Variants in FAM81B observed in about 807,000 individuals in gnomAD.
FAM81B encodes family with sequence similarity 81 member B, also known as protein FAM81B.
FAM81B carries 60 observed loss-of-function variants against 58.7 expected under a neutral mutation model. The observed-to-expected ratio is 1.02, with a 90% confidence interval of 0.83 to 1.27. The LOEUF is 1.27. Among genes scored for constraint, FAM81B ranks in the 50% most tolerant of loss-of-function variants. The pLI is 0.00. For synonymous variants in FAM81B, 189 were observed against 179.6 expected (o/e 1.05, Z -0.42); for missense variants, 491 against 522.0 (o/e 0.94, Z 0.58).
At chr5:95,412,958 A>T (rs7704343) in intron 3 of FAM81B, among the ~76,000 whole-genome samples, 41,340 of 152,108 alleles carry the variant, frequency 0.27, 5,855 homozygotes, top group Non-Finnish European at 0.3. Flanking sequence ...GTCAAATCCC[A>T]AACTAAGAAT....
Position 95,426,092 on chromosome 5 carries a change from G to GTATATATA in FAM81B, c.657-2510_657-2509insATATATAT, listed in dbSNP as rs201172690. Among the ~76,000 whole-genome samples, 223 of 84,850 alleles carry GTATATATA rather than the reference G, an allele frequency of 2.6e-3. 1 individual carries two copies. Among genetic ancestry groups the GTATATATA allele is most frequent in the African/African-American group, 6.0e-3 (84 of 14,064 alleles). The allele number at this position is 84,850 out of a possible 152,430, so 55.7% of individuals were successfully genotyped here. ...AATTATGTTTTCTTCCTATCTCTGTGTGTATATATATATATATATATATAT... is the reference window on the plus strand; with the variant it reads ...AATTATGTTTTCTTCCTATCTCTGTGTATATATATGTATATATATATATATATATATAT... On this transcript the variant is annotated intron_variant, in intron 5 of 9. Coordinates refer to ENST00000283357, the MANE Select transcript of FAM81B (RefSeq NM_152548.3).
chr5:95,435,600 A>G (rs536143206), intron 6 of FAM81B, among the ~76,000 whole-genome samples: 1 of 152,356 alleles, frequency 6.6e-6, no homozygotes, highest in Non-Finnish European at 1.5e-5. Flanking sequence ...ATTTAAAATC[A>G]TTAATGTATT....
Position 95,392,891 on chromosome 5 carries a change from A to G in FAM81B, c.222A>G (p.Glu74=). 6.2e-7 allele frequency: 1 copy of G among 1,604,986 alleles called. No individual in the cohort carries two copies. Among genetic ancestry groups the G allele is most frequent in the Non-Finnish European group, 8.5e-7 (1 of 1,176,556 alleles). Residue 74 remains glutamate, a synonymous_variant, in exon 2 of 10, where the codon GAA becomes GAG. Coordinates refer to ENST00000283357, the MANE Select transcript of FAM81B (RefSeq NM_152548.3). ...GPLPGSDNNQ[E]KKVRLSPAKM... is the part of the protein sequence containing the mutation. ...TTCCTGGCTCAGACAATAACCAAGAAAAGAAAGCAAGTACTTTTCAATATT... is the reference window on the plus strand; with the variant it reads ...TTCCTGGCTCAGACAATAACCAAGAGAAGAAAGCAAGTACTTTTCAATATT...
chr5:95,449,124 A>G (rs1031354137), intron 9 of FAM81B, among the ~76,000 whole-genome samples: 1 of 152,194 alleles, frequency 6.6e-6, no homozygotes, highest in African/African-American at 2.4e-5. Context: ...TTTCCTAGAG[A>G]AAGTCCCAAG....
chr5:95,414,167 A>C lies in FAM81B; in HGVS notation c.514A>C (p.Lys172Gln), dbSNP rs1426132451. ...SHIQTITSIV[K>Q]KLSQNIEILE... ...CATCCAGACCATCACCAGCATCGTC[A>C]AAAAACTCAGCCAAAATATTGAGGT... is the stretch of plus-strand genomic sequence containing the variant. Residue 172 changes from lysine to glutamine, a missense_variant, in exon 4 of 10, where the codon AAA (lysine) becomes CAA (glutamine). Transcript: ENST00000283357. 1 of 1,611,500 alleles carries C rather than the reference A, an allele frequency of 6.2e-7. No individual in the cohort carries two copies. Among genetic ancestry groups the C allele is most frequent in the Non-Finnish European group, 8.5e-7 (1 of 1,179,220 alleles).
At chr5:95,404,169 A>G (rs1332117258) in intron 3 of FAM81B, among the ~76,000 whole-genome samples, 2 of 152,222 alleles carry the variant, frequency 1.3e-5, no homozygotes, top group African/African-American at 4.8e-5. Flanking sequence ...GCAAATCTGC[A>G]GTCCACCACT....
At chr5:95,391,674 C>CAAA (rs1257583482) in intron 1 of FAM81B, among the ~76,000 whole-genome samples, 161 bp downstream of exon 1, 3 of 151,306 alleles carry the variant, frequency 2.0e-5, no homozygotes, top group Non-Finnish European at 4.4e-5. Context: ...AAAAAAAAAC[C>CAAA]CCATCAAAAA....
chr5:95,440,551 A>T, intron 7 of FAM81B: 1 of 568,378 alleles, frequency 1.8e-6, no homozygotes, highest in Non-Finnish European at 3.3e-6. Context: ...GTTCTTAATG[A>T]AGCTGCTCAA....
intron 9 of FAM81B, among the ~76,000 whole-genome samples, chr5:95,449,760 G>A (rs905506315): frequency 6.6e-6 from 1 of 152,082 alleles, no homozygotes; most frequent in African/African-American, 2.4e-5. Context: ...TTTCAGAGAA[G>A]ATTTAAAATC....
rs569442696 is a variant in FAM81B at position 95,416,443 on chromosome 5, T to C, written c.537+2253T>C. 1.8e-3 allele frequency among the ~76,000 whole-genome samples: 278 copies of C among 152,356 alleles called. 1 individual carries two copies. The highest frequency in any genetic ancestry group is 6.5e-3 in the African/African-American group (269 of 41,586). ...GATTACAAGTTTTAGAATTAATTTATTTTTAACTCAAAGAAAATTTTATAT... is the reference window on the plus strand; with the variant it reads ...GATTACAAGTTTTAGAATTAATTTACTTTTAACTCAAAGAAAATTTTATAT... On this transcript the variant is annotated intron_variant, in intron 4 of 9. Coordinates refer to ENST00000283357, the MANE Select transcript of FAM81B (RefSeq NM_152548.3).
At chr5:95,403,736 A>C (rs2152761472) in intron 3 of FAM81B, among the ~76,000 whole-genome samples, 1 of 152,320 alleles carries the variant, frequency 6.6e-6, no homozygotes. Context: ...AGAAGAGGGA[A>C]GTTTCTTCTG....
In FAM81B at chr5:95,410,134, A is replaced by G. The variant is rs1423429076; in HGVS notation, c.294-3813A>G. Among the ~76,000 whole-genome samples the G allele has an allele frequency of 5.3e-5, 8 of 152,336 alleles. No homozygotes were observed. The East Asian group carries it at 1.5e-3, about 29-fold the overall frequency. On this transcript the variant is annotated intron_variant, in intron 3 of 9. Coordinates refer to ENST00000283357, the MANE Select transcript of FAM81B (RefSeq NM_152548.3). Reference sequence around the variant, plus strand: ...TCGATTTAAAAAAGGACGGGTGGGGACAAACTCAACAGATGCACACATTTT... The same window carrying G: ...TCGATTTAAAAAAGGACGGGTGGGGGCAAACTCAACAGATGCACACATTTT...
At chr5:95,421,576 G>A (rs1298762929) in intron 5 of FAM81B, among the ~76,000 whole-genome samples, 9 of 151,936 alleles carry the variant, frequency 5.9e-5, no homozygotes, top group East Asian at 1.9e-4. Context: ...TAAAGAGTTC[G>A]AACTTTATGT....
At chr5:95,396,013 C>A in intron 2 of FAM81B, 98 bp from the exon 3 acceptor site, 1 of 925,312 alleles carries the variant, frequency 1.1e-6, no homozygotes, top group Admixed American at 2.3e-5. Context: ...CTATGGTATA[C>A]ATTTTGTTTA....
chr5:95,428,549 T>A (rs1561306692), intron 5 of FAM81B, 54 bp from the exon 6 acceptor site: 1 of 1,602,340 alleles, frequency 6.2e-7, no homozygotes, highest in Non-Finnish European at 8.5e-7. Flanking sequence ...TCTACTATAG[T>A]GTTAAAAATG....
chr5:95,401,096 T>G (rs1762100962), intron 3 of FAM81B, among the ~76,000 whole-genome samples: 1 of 152,206 alleles, frequency 6.6e-6, no homozygotes, highest in South Asian at 2.1e-4. Context: ...GGACTCTGTT[T>G]GGAACCTTTG....
chr5:95,408,668 T>G (rs1338124509), intron 3 of FAM81B, among the ~76,000 whole-genome samples: 1 of 152,220 alleles, frequency 6.6e-6, no homozygotes, highest in Non-Finnish European at 1.5e-5. Context: ...ATTCAATCTT[T>G]CTAAGCCTCA....
At chr5:95,400,466 A>G (rs1762083241) in intron 3 of FAM81B, among the ~76,000 whole-genome samples, 1 of 152,038 alleles carries the variant, frequency 6.6e-6, no homozygotes, top group African/African-American at 2.4e-5. Flanking sequence ...ACATACAGGC[A>G]TCTTCACATC....
intron 4 of FAM81B, among the ~76,000 whole-genome samples, chr5:95,414,531 T>C (rs1377822374): frequency 6.6e-6 from 1 of 152,222 alleles, no homozygotes; most frequent in Non-Finnish European, 1.5e-5. Context: ...GTTTTCATAA[T>C]GCACATCAGT....
Sources: allele counts gnomAD v4.1 joint callset (sites outside exome capture counted in the v4.1 genomes callset), GRCh38; gene constraint gnomAD v4.1.1; transcripts MANE v1.5; gene names NCBI Gene and HGNC (gene_info 2026-07-23, HGNC 2026-07-21).